The following GRIN2B variants were observed in gnomAD, a reference collection of about 807,000 sequenced individuals.
GRIN2B encodes the protein glutamate ionotropic receptor NMDA type subunit 2B.
A neutral mutation model predicts 114.5 loss-of-function variants in GRIN2B; 5 were observed. The ratio of observed to expected loss-of-function variants is 0.04; its 90% CI spans 0.02 to 0.09. The LOEUF (loss-of-function observed/expected upper bound fraction) is 0.09. Ranked by LOEUF, GRIN2B falls within the 10% of genes least tolerant of loss-of-function variation. GRIN2B has a pLI of 1.00. For synonymous variants in GRIN2B, 787 were observed against 745.1 expected (o/e 1.06, Z -0.92); for missense variants, 1,108 against 1,943.5 (o/e 0.57, Z 8.08).
At chr12:13,815,537 G>A (rs568212938) in intron 3 of GRIN2B, among the ~76,000 whole-genome samples, 1 of 152,250 alleles carries the variant, frequency 6.6e-6, no homozygotes, top group Admixed American at 6.5e-5. Flanking sequence ...TGGGAGATTT[G>A]GGGATACGTG....
At chr12:13,812,248 CAA>C (rs144738450) in intron 3 of GRIN2B, among the ~76,000 whole-genome samples, 33,232 of 144,014 alleles carry the variant, frequency 0.23, 3,856 homozygotes, top group Non-Finnish European at 0.25. Context: ...GAAGAAACTG[CAA>C]AAAAAAAAAG....
intron 5 of GRIN2B, among the ~76,000 whole-genome samples, chr12:13,654,948 G>A (rs1949847983): frequency 6.6e-6 from 1 of 152,186 alleles, no homozygotes; most frequent in Middle Eastern, 3.4e-3. Flanking sequence ...GCTTACACCT[G>A]TTAGAAAGGA....
chr12:13,602,219 C>T (rs770919724), intron 10 of GRIN2B, among the ~76,000 whole-genome samples: 6 of 152,234 alleles, frequency 3.9e-5, no homozygotes, highest in Non-Finnish European at 8.8e-5. Flanking sequence ...TGCTCTTGAT[C>T]AGTAGCTCCA....
chr12:13,730,669 C>G (rs1863073552), intron 4 of GRIN2B, among the ~76,000 whole-genome samples: 1 of 152,130 alleles, frequency 6.6e-6, no homozygotes, highest in African/African-American at 2.4e-5. Flanking sequence ...TTTTCCTACA[C>G]CTCGTAATAG....
intron 10 of GRIN2B, among the ~76,000 whole-genome samples, chr12:13,606,798 A>G (rs1949255506): frequency 6.6e-6 from 1 of 152,136 alleles, no homozygotes; most frequent in South Asian, 2.1e-4. Flanking sequence ...AGGAACAATA[A>G]GAGAGGGGTT....
chr12:13,746,231 G>A (rs1194319572), intron 4 of GRIN2B, among the ~76,000 whole-genome samples: 1 of 152,104 alleles, frequency 6.6e-6, no homozygotes, highest in Non-Finnish European at 1.5e-5. Context: ...CAGCGCTGGG[G>A]ATGCAGTAAG....
At chr12:13,918,566 T>C (rs1215510054) in intron 2 of GRIN2B, among the ~76,000 whole-genome samples, 1 of 152,228 alleles carries the variant, frequency 6.6e-6, no homozygotes, top group Non-Finnish European at 1.5e-5. Context: ...AATCCCTTTT[T>C]TCTGACCCCT....
chr12:13,794,389 A>G (rs1166684416), intron 3 of GRIN2B, among the ~76,000 whole-genome samples: 2 of 152,172 alleles, frequency 1.3e-5, no homozygotes, highest in Non-Finnish European at 2.9e-5. Context: ...GATCCATTTC[A>G]ATGCATTTGC....
At chr12:13,838,396 C>G (rs1178653818) in intron 3 of GRIN2B, among the ~76,000 whole-genome samples, 4 of 152,152 alleles carry the variant, frequency 2.6e-5, no homozygotes, top group African/African-American at 9.7e-5. Context: ...TCCGAAGCAC[C>G]CCAGTCCTTC....
At chr12:13,748,844 T>A (rs1863432166) in intron 4 of GRIN2B, among the ~76,000 whole-genome samples, 1 of 152,240 alleles carries the variant, frequency 6.6e-6, no homozygotes, top group Non-Finnish European at 1.5e-5. Flanking sequence ...GAAATCTGAA[T>A]TTCAGATAAA....
intron 5 of GRIN2B, among the ~76,000 whole-genome samples, chr12:13,623,410 T>C (rs1343834548): frequency 6.6e-6 from 1 of 152,206 alleles, no homozygotes; most frequent in Non-Finnish European, 1.5e-5. Context: ...GAAATTCCTA[T>C]CAGCAAAGCA....
chr12:13,570,013 G>A lies in GRIN2B; in HGVS notation c.2176C>T (p.Leu726=), dbSNP rs1416153914. 1.2e-6 allele frequency: 2 copies of A among 1,610,198 alleles called. No homozygotes were observed. The highest frequency in any genetic ancestry group is 4.5e-5 in the East Asian group (2 of 44,862). Residue 726 remains leucine, a synonymous_variant, in exon 12 of 14, where the codon CTG becomes TTG. Transcript: ENST00000609686. The part of the protein sequence containing the change: ...DALLSLKTGK[L]DAFIYDAAVL... The stretch of plus-strand genomic sequence containing the variant: ...GCTGCATCATAGATGAAGGCATCCA[G>A]TTTCCTGTACAGGAAAAAAGCAAAC...
intron 2 of GRIN2B, among the ~76,000 whole-genome samples, chr12:13,939,736 G>A (rs1449559129): frequency 2.0e-5 from 3 of 151,718 alleles, no homozygotes; most frequent in Non-Finnish European, 2.9e-5. Flanking sequence ...TTTTAGTAGA[G>A]GTGGGGTTTC....
chr12:13,868,963 G>A (rs568524650), intron 2 of GRIN2B, among the ~76,000 whole-genome samples: 8 of 152,176 alleles, frequency 5.3e-5, no homozygotes, highest in Non-Finnish European at 1.0e-4. Context: ...AAGATAAGCA[G>A]AGTGGCTTTG....
chr12:13,943,994 A>T (rs950715580), intron 2 of GRIN2B, among the ~76,000 whole-genome samples: 3 of 152,236 alleles, frequency 2.0e-5, no homozygotes, highest in Non-Finnish European at 4.4e-5. Context: ...TGAATTAATG[A>T]ATAAATAAAT....
At chr12:13,572,739 T>C (rs1333732887) in intron 10 of GRIN2B, among the ~76,000 whole-genome samples, 1 of 152,242 alleles carries the variant, frequency 6.6e-6, no homozygotes, top group Admixed American at 6.5e-5. Context: ...ATTTGTATCT[T>C]CACAGCCTCA....
intron 3 of GRIN2B, among the ~76,000 whole-genome samples, chr12:13,855,108 C>G (rs1333882789): frequency 1.3e-5 from 2 of 148,306 alleles, no homozygotes; most frequent in African/African-American, 5.0e-5. Flanking sequence ...ATCCCAGCTA[C>G]TCAGGAGGCT....
rs183574173 is a variant in GRIN2B, at chr12:13,671,526, A to G, written c.1125+4219T>C. ...CACACCAACAACTTAATCTTCCTTG[A>G]CCCGAGATGCCTTGTTAAAAGCTGG... On this transcript the variant is annotated intron_variant, in intron 5 of 13. Transcript: ENST00000609686. Among the ~76,000 whole-genome samples the G allele has an allele frequency of 4.0e-3, 606 of 152,254 alleles. 9 individuals are homozygous for G. Among genetic ancestry groups the G allele is most frequent in the African/African-American group, 0.013 (555 of 41,572 alleles).
chr12:13,601,040 G>A (rs915539270), intron 10 of GRIN2B, among the ~76,000 whole-genome samples: 1 of 152,206 alleles, frequency 6.6e-6, no homozygotes, highest in African/African-American at 2.4e-5. Context: ...CACTTTGAAA[G>A]GATGGGGCTG....
Sources: allele counts gnomAD v4.1 joint callset (sites outside exome capture counted in the v4.1 genomes callset), GRCh38; gene constraint gnomAD v4.1.1; transcripts MANE v1.5; gene names NCBI Gene and HGNC (gene_info 2026-07-23, HGNC 2026-07-21).